Variants in SEMA6D observed in about 807,000 individuals in gnomAD.
The protein encoded by SEMA6D is semaphorin 6D.
In SEMA6D, 35 loss-of-function variants were observed where a neutral mutation model predicts 106.6. That is an observed-to-expected ratio of 0.33 (90% CI 0.25 to 0.44). The LOEUF (loss-of-function observed/expected upper bound fraction) is 0.44. SEMA6D is among the 20% of genes least tolerant of loss of function. SEMA6D has a pLI of 1.00. For synonymous variants in SEMA6D, 499 were observed against 487.7 expected (o/e 1.02, Z -0.31); for missense variants, 1,185 against 1,345.9 (o/e 0.88, Z 1.87).
At chr15:47,337,826 G>A (rs2037630501) in intron 1 of SEMA6D, among the ~76,000 whole-genome samples, 1 of 152,228 alleles carries the variant, frequency 6.6e-6, no homozygotes, top group African/African-American at 2.4e-5. Flanking sequence ...TGGGGAGGAT[G>A]CTGCTAAGAC....
intron 3 of SEMA6D, among the ~76,000 whole-genome samples, chr15:47,596,665 A>G (rs926092960): frequency 1.3e-5 from 2 of 152,156 alleles, no homozygotes; most frequent in Non-Finnish European, 2.9e-5. Flanking sequence ...AAAAGTGCCA[A>G]GAACACAATC....
chr15:47,349,551 T>C (rs2038226215), intron 1 of SEMA6D, among the ~76,000 whole-genome samples: 1 of 152,222 alleles, frequency 6.6e-6, no homozygotes, highest in Non-Finnish European at 1.5e-5. Context: ...TCTGATTGTT[T>C]TAAAATGTGA....
chr15:47,674,449 A>G (rs1209217810), intron 4 of SEMA6D, among the ~76,000 whole-genome samples: 1 of 152,234 alleles, frequency 6.6e-6, no homozygotes, highest in Non-Finnish European at 1.5e-5. Flanking sequence ...AGCTTGATCC[A>G]TGTCGAAAAC....
intron 1 of SEMA6D, among the ~76,000 whole-genome samples, chr15:47,287,679 A>G (rs2035430707): frequency 6.6e-6 from 1 of 152,218 alleles, no homozygotes; most frequent in South Asian, 2.1e-4. Flanking sequence ...CAATGACACC[A>G]GCATTCTCTG....
intron 1 of SEMA6D, among the ~76,000 whole-genome samples, chr15:47,324,734 ATG>A (rs1466961647): frequency 6.6e-6 from 1 of 151,052 alleles, no homozygotes; most frequent in Non-Finnish European, 1.5e-5. Context: ...ATGCATATGA[ATG>A]TGTGCACATA....
chr15:47,577,462 T>G (rs141387173), intron 3 of SEMA6D, among the ~76,000 whole-genome samples: 1 of 152,324 alleles, frequency 6.6e-6, no homozygotes, highest in East Asian at 1.9e-4. Flanking sequence ...AAGAGATAAT[T>G]TGCAAGTGAT....
intron 2 of SEMA6D, among the ~76,000 whole-genome samples, chr15:47,420,496 A>G (rs1229261613): frequency 6.6e-6 from 1 of 151,964 alleles, no homozygotes; most frequent in Non-Finnish European, 1.5e-5. Context: ...CCCTCTGTGC[A>G]TGCTAGTTGC....
intron 3 of SEMA6D, among the ~76,000 whole-genome samples, chr15:47,562,657 G>A (rs988981186): frequency 1.3e-5 from 2 of 151,928 alleles, no homozygotes; most frequent in East Asian, 3.9e-4. Flanking sequence ...AGAGATACAC[G>A]CTAGAATGAC....
intron 1 of SEMA6D, among the ~76,000 whole-genome samples, chr15:47,332,524 G>A (rs185405921): frequency 8.3e-4 from 126 of 152,264 alleles, no homozygotes; most frequent in African/African-American, 2.9e-3. Flanking sequence ...GCACAAAACG[G>A]GGGAGATGAC....
chr15:47,208,057 A>C, intron 1 of SEMA6D, among the ~76,000 whole-genome samples: 1 of 145,926 alleles, frequency 6.9e-6, no homozygotes, highest in African/African-American at 2.5e-5. Flanking sequence ...ACACTACTGT[A>C]ACGGTTAAAG....
chr15:47,351,006 T>C (rs1429215387), intron 1 of SEMA6D, among the ~76,000 whole-genome samples: 2 of 152,148 alleles, frequency 1.3e-5, no homozygotes, highest in African/African-American at 4.8e-5. Context: ...GACATTTTTG[T>C]TGGATTGATA....
At chr15:47,376,963 C>T (rs554354970) in intron 1 of SEMA6D, among the ~76,000 whole-genome samples, 2 of 152,224 alleles carry the variant, frequency 1.3e-5, no homozygotes, top group African/African-American at 4.8e-5. Flanking sequence ...CAAACTGATG[C>T]CTGATAATTA....
At chr15:47,325,052 C>G (rs1278265501) in intron 1 of SEMA6D, among the ~76,000 whole-genome samples, 1 of 152,168 alleles carries the variant, frequency 6.6e-6, no homozygotes, top group Non-Finnish European at 1.5e-5. Context: ...GTGGCACTTC[C>G]CCCAACTTAT....
chr15:47,580,925 A>G (rs546964614), intron 3 of SEMA6D, among the ~76,000 whole-genome samples: 1 of 152,362 alleles, frequency 6.6e-6, no homozygotes, highest in Admixed American at 6.5e-5. Context: ...ACCCAGCTGA[A>G]CTGAGTCACA....
intron 3 of SEMA6D, among the ~76,000 whole-genome samples, chr15:47,471,991 G>A (rs1161284503): frequency 1.3e-5 from 2 of 151,670 alleles, no homozygotes; most frequent in South Asian, 2.1e-4. Context: ...GAGAAAGAGA[G>A]AGAGGGAAGG....
At chr15:47,755,069 A>C (rs1386135755) in intron 1 of SEMA6D, among the ~76,000 whole-genome samples, 1 of 150,664 alleles carries the variant, frequency 6.6e-6, no homozygotes, top group African/African-American at 2.5e-5. Flanking sequence ...CTCCTGCCTC[A>C]GCCTCCTGAG....
chr15:47,226,205 C>T (rs546876609), intron 1 of SEMA6D, among the ~76,000 whole-genome samples: 1 of 152,128 alleles, frequency 6.6e-6, no homozygotes, highest in East Asian at 1.9e-4. Context: ...CAGCAAACCA[C>T]CAGAAACTAG....
intron 1 of SEMA6D, among the ~76,000 whole-genome samples, chr15:47,745,171 C>T (rs956358889): frequency 2.0e-5 from 3 of 152,264 alleles, no homozygotes; most frequent in African/African-American, 7.2e-5. Context: ...ACACACCCTT[C>T]CTCACAGTTG....
chr15:47,309,604 A>G (rs1408804908), intron 1 of SEMA6D, among the ~76,000 whole-genome samples: 1 of 152,158 alleles, frequency 6.6e-6, no homozygotes, highest in Non-Finnish European at 1.5e-5. Context: ...TTTACTATCC[A>G]TGGTTTTGTC....
Sources: allele counts gnomAD v4.1 joint callset (sites outside exome capture counted in the v4.1 genomes callset), GRCh38; gene constraint gnomAD v4.1.1; transcripts MANE v1.5; gene names NCBI Gene and HGNC (gene_info 2026-07-23, HGNC 2026-07-21).